Variants in SLC25A13 observed in about 807,000 individuals in gnomAD.
SLC25A13 encodes the protein electrogenic aspartate/glutamate antiporter SLC25A13, mitochondrial.
A neutral mutation model predicts 85.5 loss-of-function variants in SLC25A13; 70 were observed. The ratio of observed to expected loss-of-function variants is 0.82; its 90% CI spans 0.68 to 1.00. The LOEUF is 1.00. Ranked by LOEUF, SLC25A13 falls within the 50% of genes least tolerant of loss-of-function variation. The pLI is 0.00. For missense variants in SLC25A13, 765 were observed against 819.8 expected (o/e 0.93, Z 0.82); for synonymous variants, 259 against 288.7 (o/e 0.90, Z 1.04).
chr7:96,177,776 G>A (rs2116607261), intron 11 of SLC25A13, among the ~76,000 whole-genome samples: 1 of 152,244 alleles, frequency 6.6e-6, no homozygotes, highest in East Asian at 1.9e-4. Context: ...GACAGGCTAA[G>A]CAGCTTGTTT....
intron 11 of SLC25A13, among the ~76,000 whole-genome samples, chr7:96,175,741 T>C (rs1794194509): frequency 6.6e-6 from 1 of 152,220 alleles, no homozygotes; most frequent in South Asian, 2.1e-4. Context: ...TAAAAAGTTC[T>C]AGAGGCAGGT....
intron 2 of SLC25A13, among the ~76,000 whole-genome samples, chr7:96,291,148 T>C (rs1225800235): frequency 6.6e-6 from 1 of 152,198 alleles, no homozygotes; most frequent in East Asian, 1.9e-4. Flanking sequence ...CTCAACTACA[T>C]GGAAACTGAA....
intron 13 of SLC25A13, among the ~76,000 whole-genome samples, chr7:96,150,371 T>G (rs1212467418): frequency 1.3e-5 from 2 of 152,080 alleles, no homozygotes; most frequent in East Asian, 3.9e-4. Flanking sequence ...TATGGGGTAT[T>G]AAGGTGTTGC....
At chr7:96,132,677 G>T (rs1792084995) in intron 14 of SLC25A13, among the ~76,000 whole-genome samples, 1 of 152,178 alleles carries the variant, frequency 6.6e-6, no homozygotes. Context: ...TGGGTAGGGT[G>T]AATAGGAAGG....
At chr7:96,320,068 A>T (rs1417102959) in intron 1 of SLC25A13, among the ~76,000 whole-genome samples, 2 of 152,226 alleles carry the variant, frequency 1.3e-5, no homozygotes, top group African/African-American at 4.8e-5. Flanking sequence ...GCAATGGCAC[A>T]ATCTCGGCTC....
At chr7:96,168,034 AG>A (rs1793829827) in intron 13 of SLC25A13, among the ~76,000 whole-genome samples, 1 of 128,962 alleles carries the variant, frequency 7.8e-6, no homozygotes, top group Non-Finnish European at 1.6e-5. Context: ...CGGGAGGTGG[AG>A]GCTGCAGTGA....
At chr7:96,228,973 C>T (rs1009322050) in intron 4 of SLC25A13, among the ~76,000 whole-genome samples, 7 of 152,294 alleles carry the variant, frequency 4.6e-5, no homozygotes, top group African/African-American at 1.2e-4. Flanking sequence ...AGCTGGAGCC[C>T]GCCATGCCCA....
intron 13 of SLC25A13, among the ~76,000 whole-genome samples, chr7:96,169,377 A>T (rs981280450): frequency 2.6e-5 from 4 of 152,214 alleles, no homozygotes; most frequent in Admixed American, 2.6e-4. Context: ...AACCAATCTT[A>T]TCTTTAAATA....
At chr7:96,155,764 A>C (rs982853830) in intron 13 of SLC25A13, among the ~76,000 whole-genome samples, 2 of 152,164 alleles carry the variant, frequency 1.3e-5, no homozygotes, top group Non-Finnish European at 2.9e-5. Context: ...GACACGTGTC[A>C]AGCACTTCTG....
At chr7:96,182,075 T>G (rs1262854168) in intron 11 of SLC25A13, among the ~76,000 whole-genome samples, 1 of 152,206 alleles carries the variant, frequency 6.6e-6, no homozygotes, top group Non-Finnish European at 1.5e-5. Flanking sequence ...TGATCTCTCT[T>G]ACCCAATAAG....
intron 1 of SLC25A13, among the ~76,000 whole-genome samples, chr7:96,304,739 C>T (rs561475461): frequency 6.6e-6 from 1 of 152,294 alleles, no homozygotes; most frequent in Non-Finnish European, 1.5e-5. Context: ...GCTCTACTTG[C>T]TCATCCATGC....
At chr7:96,164,897 C>T (rs1793682655) in intron 13 of SLC25A13, among the ~76,000 whole-genome samples, 1 of 151,998 alleles carries the variant, frequency 6.6e-6, no homozygotes, top group Non-Finnish European at 1.5e-5. Context: ...CTTGGAGAGA[C>T]AGGTGATAAG....
At chr7:96,318,693 T>C (rs1800219135) in intron 1 of SLC25A13, among the ~76,000 whole-genome samples, 1 of 152,210 alleles carries the variant, frequency 6.6e-6, no homozygotes, top group African/African-American at 2.4e-5. Flanking sequence ...TAATTAGCTG[T>C]ATTTAAATAA....
chr7:96,132,838 T>C (rs28681212), intron 14 of SLC25A13, among the ~76,000 whole-genome samples: 1,620 of 152,328 alleles, frequency 0.011, 33 homozygotes, highest in African/African-American at 0.037. Context: ...GTGACACTTA[T>C]TGAGGCCTAG....
At chr7:96,306,889 T>A (rs1037563248) in intron 1 of SLC25A13, 1 of 1,129,244 alleles carries the variant, frequency 8.9e-7, no homozygotes, top group Non-Finnish European at 1.3e-6. Flanking sequence ...GTGGCTTCAC[T>A]CCAATCTCTC....
intron 1 of SLC25A13, among the ~76,000 whole-genome samples, chr7:96,301,409 T>C (rs1460001659): frequency 6.6e-6 from 1 of 152,218 alleles, no homozygotes; most frequent in African/African-American, 2.4e-5. Context: ...GAATTTGCAT[T>C]TGTAAGAATG....
intron 2 of SLC25A13, among the ~76,000 whole-genome samples, chr7:96,286,408 C>T (rs1798888190): frequency 6.6e-6 from 1 of 152,156 alleles, no homozygotes; most frequent in Non-Finnish European, 1.5e-5. Flanking sequence ...TAGCCATTCC[C>T]TCCACACCTG....
chr7:96,319,237 T>C (rs1385105643), intron 1 of SLC25A13, among the ~76,000 whole-genome samples: 1 of 152,122 alleles, frequency 6.6e-6, no homozygotes, highest in East Asian at 1.9e-4. Flanking sequence ...TCAAATGCCG[T>C]TCACTCACAG....
intron 5 of SLC25A13, among the ~76,000 whole-genome samples, chr7:96,201,283 GTGGAT>G (rs1487448091): frequency 6.6e-6 from 1 of 152,112 alleles, no homozygotes; most frequent in Non-Finnish European, 1.5e-5. Context: ...GGTGAGGCGA[GTGGAT>G]TGCTTGAGGT....
Sources: allele counts gnomAD v4.1 joint callset (sites outside exome capture counted in the v4.1 genomes callset), GRCh38; gene constraint gnomAD v4.1.1; transcripts MANE v1.5; gene names NCBI Gene and HGNC (gene_info 2026-07-23, HGNC 2026-07-21).